Variants in NXN observed in about 807,000 individuals in gnomAD.
NXN encodes nucleoredoxin.
Under a neutral mutation model 48.6 loss-of-function variants are expected in NXN, and 16 were observed. The observed-to-expected ratio is 0.33, with a 90% CI of 0.22 to 0.50. The LOEUF (loss-of-function observed/expected upper bound fraction) is 0.50. Ranked by LOEUF, NXN falls within the 20% of genes least tolerant of loss-of-function variation. NXN has a pLI of 0.98. For synonymous variants in NXN, 281 were observed against 269.6 expected (o/e 1.04, Z -0.41); for missense variants, 492 against 605.5 (o/e 0.81, Z 1.97).
chr17:963,236 C>CAT, intron 1 of NXN, among the ~76,000 whole-genome samples: 1 of 149,836 alleles, frequency 6.7e-6, no homozygotes, highest in South Asian at 2.1e-4. Flanking sequence ...CACACACACA[C>CAT]ACACCCCTTT....
At chr17:926,705 C>T (rs919775111) in intron 1 of NXN, among the ~76,000 whole-genome samples, 2 of 147,990 alleles carry the variant, frequency 1.4e-5, no homozygotes, top group African/African-American at 5.0e-5. Flanking sequence ...ACCACCACGT[C>T]GGCTCATTTT....
intron 1 of NXN, among the ~76,000 whole-genome samples, chr17:899,440 G>C (rs1221503105): frequency 2.0e-5 from 3 of 152,164 alleles, no homozygotes; most frequent in African/African-American, 7.2e-5. Context: ...TCTCGTGAGG[G>C]AGGACGATCA....
chr17:963,857 C>G (rs939228970), intron 1 of NXN, among the ~76,000 whole-genome samples: 9 of 151,112 alleles, frequency 6.0e-5, no homozygotes, highest in Non-Finnish European at 1.2e-4. Flanking sequence ...GAGGGCAGAT[C>G]ACGAGGTCAG....
At chr17:953,965 C>T (rs1341259376) in intron 1 of NXN, among the ~76,000 whole-genome samples, 2 of 152,174 alleles carry the variant, frequency 1.3e-5, no homozygotes, top group African/African-American at 4.8e-5. Flanking sequence ...TGGCTCCGTG[C>T]TGCGGCTCCT....
At chr17:897,927 C>A (rs960751992) in intron 1 of NXN, among the ~76,000 whole-genome samples, 10 of 152,228 alleles carry the variant, frequency 6.6e-5, no homozygotes. Context: ...GTGATCCGCC[C>A]ACCTCGGCCT....
intron 1 of NXN, among the ~76,000 whole-genome samples, chr17:966,647 G>A (rs1163905463): frequency 2.6e-5 from 4 of 152,016 alleles, no homozygotes; most frequent in African/African-American, 7.2e-5. Flanking sequence ...ACGCCCGGCT[G>A]GTGTTCGCAT....
chr17:910,972 T>G (rs2068630204), intron 1 of NXN: 1 of 152,200 alleles, frequency 6.6e-6, no homozygotes, highest in Non-Finnish European at 1.5e-5. Context: ...GATTCCTTCC[T>G]GCTCTAGCTT....
At chr17:844,300 A>ACGT (rs1311846300) in intron 1 of NXN, among the ~76,000 whole-genome samples, 1 of 135,320 alleles carries the variant, frequency 7.4e-6, no homozygotes, top group African/African-American at 2.9e-5. Context: ...AGGCCATCAC[A>ACGT]CGTCCCGTCC....
intron 1 of NXN, among the ~76,000 whole-genome samples, chr17:912,694 G>T (rs1000172070): frequency 6.6e-6 from 1 of 152,096 alleles, no homozygotes; most frequent in Non-Finnish European, 1.5e-5. Flanking sequence ...TGTAATCCCA[G>T]CATGAAGATT....
intron 1 of NXN, among the ~76,000 whole-genome samples, chr17:890,974 T>G (rs1180066405): frequency 2.0e-5 from 3 of 152,160 alleles, no homozygotes; most frequent in Admixed American, 1.3e-4. Context: ...AGTGCTGACT[T>G]GGAACATTTG....
At chr17:868,008 G>A (rs2068110591) in intron 1 of NXN, among the ~76,000 whole-genome samples, 1 of 152,194 alleles carries the variant, frequency 6.6e-6, no homozygotes, top group African/African-American at 2.4e-5. Context: ...CCTTCAGAGT[G>A]ACAGGAGCAT....
chr17:907,255 A>C (rs1178997928), intron 1 of NXN, among the ~76,000 whole-genome samples: 1 of 152,054 alleles, frequency 6.6e-6, no homozygotes, highest in Non-Finnish European at 1.5e-5. Flanking sequence ...CTGGCTCTTC[A>C]GAAGGGTTAG....
At chr17:820,009 A>G (rs1351311501) in intron 4 of NXN, among the ~76,000 whole-genome samples, 2 of 152,236 alleles carry the variant, frequency 1.3e-5, no homozygotes, top group African/African-American at 4.8e-5. Context: ...AAGCGGCAGA[A>G]GCGGATCAGG....
intron 1 of NXN, among the ~76,000 whole-genome samples, chr17:979,014 G>A (rs922140835): frequency 2.5e-4 from 37 of 149,138 alleles, no homozygotes; most frequent in African/African-American, 8.5e-4. Flanking sequence ...CCGGGATCCC[G>A]GGGGCCGAGG....
intron 1 of NXN, among the ~76,000 whole-genome samples, chr17:965,019 C>A (rs922604268): frequency 6.6e-6 from 1 of 152,168 alleles, no homozygotes; most frequent in African/African-American, 2.4e-5. Context: ...TACCACATGG[C>A]CCTCAGGAAG....
In NXN at chr17:958,026, T is replaced by C. The variant is rs1335407699; in HGVS notation, c.360+21293A>G. ...CCCATCACTCATCAGGTTCCAAACATGCATCCTCTCGCTCCATCCTATACT... is the reference window on the plus strand; with the variant it reads ...CCCATCACTCATCAGGTTCCAAACACGCATCCTCTCGCTCCATCCTATACT... On this transcript the variant is annotated intron_variant, in intron 1 of 7. Transcript: ENST00000336868. The surrounding 1 kb of genome is among the most constrained non-coding windows in gnomAD (Gnocchi z 6.9). 1.3e-5 allele frequency among the ~76,000 whole-genome samples: 2 copies of C among 152,140 alleles called. No individual in the cohort carries two copies. Among genetic ancestry groups the C allele is most frequent in the Non-Finnish European group, 2.9e-5 (2 of 68,028 alleles).
At chr17:812,821 CGA>C (rs1213155537) in intron 5 of NXN, among the ~76,000 whole-genome samples, 1 of 128,140 alleles carries the variant, frequency 7.8e-6, no homozygotes, top group Non-Finnish European at 1.7e-5. Flanking sequence ...GGTGTGTGTG[CGA>C]GTGTGCATGT....
intron 1 of NXN, among the ~76,000 whole-genome samples, chr17:929,306 G>GA (rs2150595282): frequency 6.6e-6 from 1 of 152,354 alleles, no homozygotes; most frequent in East Asian, 1.9e-4. Context: ...TTGAGTTGGT[G>GA]AGTCCTGCAG....
intron 1 of NXN, among the ~76,000 whole-genome samples, chr17:911,628 T>G (rs2068637679): frequency 1.3e-5 from 2 of 150,842 alleles, no homozygotes; most frequent in Non-Finnish European, 3.0e-5. Context: ...CACACCCGGC[T>G]AATTTTTGTA....
Sources: gnomAD v4.1 joint callset for allele counts (sites outside exome capture counted in the v4.1 genomes callset) on GRCh38, gnomAD v4.1.1 for gene constraint, Gnocchi (gnomAD v3.1) non-coding constraint, MANE v1.5 for transcripts, NCBI Gene and HGNC (gene_info 2026-07-23, HGNC 2026-07-21) for gene names.